Variants in GPR161 observed in about 807,000 individuals in gnomAD.
The protein encoded by GPR161 is G protein-coupled receptor 161, also known as G-protein coupled receptor RE2.
In GPR161, 25 loss-of-function variants were observed where a neutral mutation model predicts 39.2. The ratio of observed to expected loss-of-function variants is 0.64; its 90% confidence interval spans 0.47 to 0.89. GPR161 has a LOEUF of 0.89. GPR161 is among the 40% of genes least tolerant of loss of function. GPR161 has a pLI of 0.00. For missense variants in GPR161, 547 were observed against 677.8 expected (o/e 0.81, Z 2.14); for synonymous variants, 286 against 276.6 (o/e 1.03, Z -0.34).
At chr1:168,121,712 A>C (rs1698180186) in intron 1 of GPR161, among the ~76,000 whole-genome samples, 1 of 152,212 alleles carries the variant, frequency 6.6e-6, no homozygotes, top group South Asian at 2.1e-4. Context: ...GTCCTCATAG[A>C]AATCACTGTT....
chr1:168,137,374 C>T (rs1253914379), upstream of GPR161: 1 of 1,535,874 alleles, frequency 6.5e-7, no homozygotes, highest in Non-Finnish European at 8.7e-7. Flanking sequence ...ATCCTGGTAT[C>T]GCCTTTGCTG....
At chr1:168,128,038 G>A (rs1025047822) in intron 1 of GPR161, among the ~76,000 whole-genome samples, 2 of 152,170 alleles carry the variant, frequency 1.3e-5, no homozygotes, top group African/African-American at 2.4e-5. Flanking sequence ...CAGGCTGAGG[G>A]TTGTGGGCAC....
intron 2 of GPR161, among the ~76,000 whole-genome samples, chr1:168,103,643 T>C (rs1360876220): frequency 6.6e-6 from 1 of 152,180 alleles, no homozygotes; most frequent in Admixed American, 6.5e-5. Context: ...ACAATATCCC[T>C]GGCTAGCCCC....
intron 1 of GPR161, among the ~76,000 whole-genome samples, chr1:168,134,654 A>T (rs1699233253): frequency 6.6e-6 from 1 of 152,216 alleles, no homozygotes; most frequent in Non-Finnish European, 1.5e-5. Context: ...GCACATTAAA[A>T]AAAATGTTTT....
At chr1:168,089,099 A>G (rs1360120847) in intron 4 of GPR161, 1 of 152,186 alleles carries the variant, frequency 6.6e-6, no homozygotes, top group Non-Finnish European at 1.5e-5. Flanking sequence ...TCAATCTTTT[A>G]TGAACTGAAG....
At position 168,092,428 on chromosome 1, in the gene GPR161, G is replaced by T. The variant is rs564102095; in HGVS notation, c.1100-1760C>A. Among the ~76,000 whole-genome samples the T allele has an allele frequency of 2.6e-5, 4 of 152,348 alleles. No individual in the cohort carries two copies. The South Asian group carries it at 8.3e-4, about 32-fold the overall frequency. Reference sequence around the variant, plus strand: ...AGCTAAAAGGTCTGGAAACGGGGCAGCCAGGTGGCATCCCTCTCCTCTGTG... The same window carrying T: ...AGCTAAAAGGTCTGGAAACGGGGCATCCAGGTGGCATCCCTCTCCTCTGTG... On this transcript the variant is annotated intron_variant, in intron 3 of 5. Transcript: ENST00000682931.
chr1:168,107,253 A>G (rs1696696912), intron 1 of GPR161, among the ~76,000 whole-genome samples: 1 of 152,202 alleles, frequency 6.6e-6, no homozygotes, highest in Non-Finnish European at 1.5e-5. Context: ...AACCCAGAAT[A>G]AAAAAGTGGC....
intron 1 of GPR161, chr1:168,134,048 T>C (rs1423189120): frequency 6.1e-6 from 1 of 162,678 alleles, no homozygotes; most frequent in Non-Finnish European, 1.3e-5. Context: ...GCTCTTAGTT[T>C]TGAAAAATTA....
rs1014328026 is a variant in GPR161, at chr1:168,085,719, T to C, written c.1402A>G (p.Lys468Glu). 2 of 1,614,134 alleles carry C rather than the reference T, an allele frequency of 1.2e-6. No homozygotes were observed. The highest frequency in any genetic ancestry group is 2.7e-5 in the African/African-American group (2 of 74,958). The change falls in exon 6 of 6, where the codon AAA becomes GAA. Residue 468 changes from lysine to glutamate, a missense_variant. Lys to Glu is a moderately conservative substitution (Grantham distance 56). Transcript: ENST00000682931. ...ATTTTGGCTTCGGCCTCAATGGCTT[T>C]GGCCAAGCTTGCTGCGTAACTGTCC... ...SLDSYAASLA[K>E]AIEAEAKINL...
intron 4 of GPR161, among the ~76,000 whole-genome samples, chr1:168,089,770 C>A (rs1445037518): frequency 2.6e-5 from 4 of 152,240 alleles, no homozygotes; most frequent in African/African-American, 4.8e-5. Context: ...CTGCCCAGGG[C>A]CTCCTGTGGC....
At chr1:168,108,007 T>C (rs932172453) in intron 1 of GPR161, among the ~76,000 whole-genome samples, 1 of 152,212 alleles carries the variant, frequency 6.6e-6, no homozygotes, top group Non-Finnish European at 1.5e-5. Context: ...GGGTAACTTA[T>C]AAAGAAAAGA....
intron 1 of GPR161, among the ~76,000 whole-genome samples, chr1:168,132,906 G>A (rs539426835): frequency 6.6e-6 from 1 of 151,888 alleles, no homozygotes; most frequent in East Asian, 1.9e-4. Context: ...CACCATGCCC[G>A]GCTAATTTTT....
In GPR161 at chr1:168,112,605, T is replaced by G. The variant is rs1462752831; in HGVS notation, c.-44-7711A>C. ...TGGCGCAGTGGCTCATGCCTGTAAT[T>G]CCAGCACTTTGTGGGCCGAGGTGGG... On this transcript the variant is annotated intron_variant, in intron 1 of 5. Transcript: ENST00000682931. Among the ~76,000 whole-genome samples, 6 of 151,788 alleles carry G rather than the reference T, an allele frequency of 4.0e-5. No homozygotes were observed. In the East Asian group the frequency reaches 1.2e-3, roughly 29 times the overall value.
Position 168,125,624 on chromosome 1 carries a change from CT to C in GPR161, c.-45+11114del, listed in dbSNP as rs35233372. ...ATCTTGACTATCTTGCTTCCCCCCC[CT>C]TTTTTTTTTTTTGAGACAGTCTCAC... On this transcript the variant is annotated intron_variant, in intron 1 of 5. Coordinates refer to ENST00000682931, the MANE Select transcript of GPR161 (RefSeq NM_001375883.1). Among the ~76,000 whole-genome samples the C allele has an allele frequency of 7.5e-3, 1,062 of 142,114 alleles. 7 individuals carry two copies. Among genetic ancestry groups the C allele is most frequent in the African/African-American group, 0.023 (872 of 38,174 alleles). The allele number at this position is 142,114 out of a possible 152,430, so 93.2% of individuals were successfully genotyped here.
chr1:168,099,840 G>C (rs921937761), intron 2 of GPR161, among the ~76,000 whole-genome samples: 11 of 145,438 alleles, frequency 7.6e-5, no homozygotes, highest in African/African-American at 2.5e-4. Context: ...TTTTTTTGGG[G>C]GGGGGGGGTT....
intron 3 of GPR161, among the ~76,000 whole-genome samples, chr1:168,093,569 T>A (rs751619509): frequency 6.6e-6 from 1 of 152,212 alleles, no homozygotes; most frequent in African/African-American, 2.4e-5. Context: ...CCCATACAAA[T>A]TGAGAGGAAC....
At chr1:168,125,421 T>C (rs534181211) in intron 1 of GPR161, among the ~76,000 whole-genome samples, 1 of 152,346 alleles carries the variant, frequency 6.6e-6, no homozygotes, top group Non-Finnish European at 1.5e-5. Context: ...TGTTGAGTCC[T>C]GTTGGATTTT....
chr1:168,099,459 G>A (rs1410347020), intron 2 of GPR161, among the ~76,000 whole-genome samples: 1 of 152,192 alleles, frequency 6.6e-6, no homozygotes, highest in African/African-American at 2.4e-5. Flanking sequence ...AATGTTCACT[G>A]TAGGCCTCCT....
Position 168,085,706 on chromosome 1 carries a change from G to T in GPR161, c.1415C>A (p.Ala472Asp), listed in dbSNP as rs1022341428. The T allele has an allele frequency of 6.2e-7, 1 of 1,614,208 alleles. No individual in the cohort carries two copies. The highest frequency in any genetic ancestry group is 8.5e-7 in the Non-Finnish European group (1 of 1,180,008). The change falls in exon 6 of 6, where the codon GCC becomes GAC. Residue 472 changes from alanine to aspartate, a missense_variant. Transcript: ENST00000682931. The stretch of plus-strand genomic sequence containing the variant: ...CCCAAATAAGTTGATTTTGGCTTCG[G>T]CCTCAATGGCTTTGGCCAAGCTTGC... ...YAASLAKAIE[A>D]EAKINLFGEE...
Sources: gnomAD v4.1 joint callset for allele counts (sites outside exome capture counted in the v4.1 genomes callset) on GRCh38, gnomAD v4.1.1 for gene constraint, MANE v1.5 for transcripts, NCBI Gene and HGNC (gene_info 2026-07-23, HGNC 2026-07-21) for gene names.